Variants in CFAP99 observed in about 807,000 individuals in gnomAD.
CFAP99 encodes the protein cilia and flagella associated protein 99.
In CFAP99, 84 loss-of-function variants were observed where a neutral mutation model predicts 82.7. The ratio of observed to expected loss-of-function variants is 1.02; its 90% CI spans 0.85 to 1.22. The LOEUF is 1.22. Among genes scored for constraint, CFAP99 ranks in the 50% most tolerant of loss-of-function variants. CFAP99 has a pLI of 0.00. For synonymous variants in CFAP99, 456 were observed against 429.5 expected, an observed-to-expected ratio of 1.06 and a Z score of -0.76; for missense variants, 1,059 against 983.5, an observed-to-expected ratio of 1.08 and a Z score of -1.03.
Position 2,462,245 on chromosome 4 carries a change from C to T in CFAP99, c.1662-198C>T, listed in dbSNP as rs1265522364. 4.4e-5 allele frequency: 20 copies of T among 450,886 alleles called. No homozygotes were observed. In the East Asian group the frequency reaches 5.8e-4, roughly 13 times the overall value. The allele number at this position is 450,886 out of a possible 1,614,324, so 27.9% of individuals were successfully genotyped here. A position where few individuals can be genotyped will look rare whatever the true frequency, so the allele number is the denominator to read the frequency against. On this transcript the variant is annotated intron_variant, in intron 14 of 14. Transcript: ENST00000635017. The surrounding 1 kb of genome is among the most constrained non-coding windows in gnomAD (Gnocchi z 4.1). Reference sequence around the variant, plus strand: ...TAGAAGTGCTGGAGACTCCCCCAACCCCTCCAGCCCCTGAGCGGTGGTACT... The same window carrying T: ...TAGAAGTGCTGGAGACTCCCCCAACTCCTCCAGCCCCTGAGCGGTGGTACT...
At chr4:2,436,942 G>A in exon 3 of CFAP99, 1 of 1,536,082 alleles carries the variant, frequency 6.5e-7, no homozygotes, top group Non-Finnish European at 8.7e-7. Flanking sequence ...ACCGGAAGCT[G>A]CTGACCGTCG....
intron 6 of CFAP99, among the ~76,000 whole-genome samples, chr4:2,447,273 G>A (rs1001236932): frequency 6.6e-6 from 1 of 151,252 alleles, no homozygotes; most frequent in Admixed American, 6.6e-5. Context: ...TGGATGGATG[G>A]ATGGATGGAC....
intron 11 of CFAP99, among the ~76,000 whole-genome samples, chr4:2,454,503 T>C (rs2108733112): frequency 6.6e-6 from 1 of 151,136 alleles, no homozygotes; most frequent in Non-Finnish European, 1.5e-5. Flanking sequence ...ACATATGCAT[T>C]ATCTCACATA....
intron 2 of CFAP99, among the ~76,000 whole-genome samples, chr4:2,429,624 C>T (rs1347695082): frequency 1.3e-5 from 2 of 150,852 alleles, no homozygotes; most frequent in East Asian, 3.9e-4. Context: ...CAGAGTCTCA[C>T]TCTGTCACCC....
chr4:2,447,474 G>T (rs11728787), intron 6 of CFAP99, among the ~76,000 whole-genome samples: 32,802 of 148,436 alleles, frequency 0.22, 3,817 homozygotes, highest in African/African-American at 0.29. Flanking sequence ...GATGAGTAGA[G>T]GGATGGGTAA....
At chr4:2,419,842 G>A (rs888469068) in intron 1 of CFAP99, among the ~76,000 whole-genome samples, 5 of 152,046 alleles carry the variant, frequency 3.3e-5, no homozygotes, top group Non-Finnish European at 7.4e-5. Context: ...TCGACCCTCT[G>A]AAGGGCAAAA....
chr4:2,435,661 C>T (rs112977237), intron 2 of CFAP99, among the ~76,000 whole-genome samples: 6,728 of 152,206 alleles, frequency 0.044, 515 homozygotes, highest in African/African-American at 0.15. Flanking sequence ...CAATGGCTCA[C>T]GCTTGTAATC....
chr4:2,434,170 T>C (rs1278598103), intron 2 of CFAP99, among the ~76,000 whole-genome samples: 2 of 152,122 alleles, frequency 1.3e-5, no homozygotes, highest in African/African-American at 4.8e-5. Context: ...GATGCATTCA[T>C]GTGATGTCCG....
intron 2 of CFAP99, among the ~76,000 whole-genome samples, chr4:2,434,488 C>T (rs1733867475): frequency 6.6e-6 from 1 of 152,234 alleles, no homozygotes; most frequent in Non-Finnish European, 1.5e-5. Context: ...GCCCAAAAGC[C>T]AGTCCTGGCG....
chr4:2,450,380 G>A (rs1263241070), intron 8 of CFAP99: 6 of 312,204 alleles, frequency 1.9e-5, no homozygotes, highest in Non-Finnish European at 3.7e-5. Context: ...GACTGTGCCT[G>A]GCGGGGCTCA....
intron 2 of CFAP99, among the ~76,000 whole-genome samples, chr4:2,430,763 C>T (rs993684877): frequency 6.6e-6 from 1 of 152,020 alleles, no homozygotes; most frequent in East Asian, 1.9e-4. Flanking sequence ...ATAGCAAGAT[C>T]CCATTTCTCT....
intron 2 of CFAP99, among the ~76,000 whole-genome samples, chr4:2,435,496 A>G (rs1462628270): frequency 6.6e-6 from 1 of 152,198 alleles, no homozygotes; most frequent in African/African-American, 2.4e-5. Context: ...CCTTATAAAA[A>G]TGACTAAGAA....
At chr4:2,436,449 G>A (rs950782682) in intron 2 of CFAP99, among the ~76,000 whole-genome samples, 2 of 152,108 alleles carry the variant, frequency 1.3e-5, no homozygotes, top group South Asian at 4.1e-4. Context: ...GCACATTCCC[G>A]CTGTTGTGCA....
intron 2 of CFAP99, among the ~76,000 whole-genome samples, chr4:2,435,852 C>CGAGGTGGGAAGCAGCTACTCAGGAGGCT (rs1560380342): frequency 1.3e-5 from 2 of 148,388 alleles, no homozygotes; most frequent in Non-Finnish European, 3.0e-5. Flanking sequence ...CTCAGGAGGC[C>CGAGGTGGGAAGCAGCTACTCAGGAGGCT]GAGGTGGGAA....
intron 13 of CFAP99, 28 bp downstream of exon 13, chr4:2,459,286 T>C: frequency 6.6e-7 from 1 of 1,507,858 alleles, no homozygotes; most frequent in Non-Finnish European, 8.8e-7. Context: ...GACGGGCCCA[T>C]GCCTCAGGGG....
intron 11 of CFAP99, among the ~76,000 whole-genome samples, chr4:2,455,051 G>A (rs1200733161): frequency 1.3e-5 from 2 of 152,028 alleles, no homozygotes; most frequent in African/African-American, 4.8e-5. Context: ...TCCCAAGCAG[G>A]TGAAACTGCA....
In CFAP99 at chr4:2,462,244, C is replaced by A; in HGVS notation, c.1662-199C>A. On this transcript the variant is annotated intron_variant, in intron 14 of 14. Coordinates refer to ENST00000635017, the Ensembl canonical transcript of CFAP99. The surrounding 1 kb of genome is among the most constrained non-coding windows in gnomAD (Gnocchi z 4.1). ...ATAGAAGTGCTGGAGACTCCCCCAACCCCTCCAGCCCCTGAGCGGTGGTAC... is the reference window on the plus strand; with the variant it reads ...ATAGAAGTGCTGGAGACTCCCCCAAACCCTCCAGCCCCTGAGCGGTGGTAC... 2 of 450,388 alleles carry A rather than the reference C, an allele frequency of 4.4e-6. No individual in the cohort carries two copies. The highest frequency in any genetic ancestry group is 7.3e-5 in the East Asian group (2 of 27,360). 27.9% of individuals were successfully genotyped at this position (450,388 alleles called of 1,614,324 possible).
At position 2,443,118 on chromosome 4, in the gene CFAP99, C is replaced by T. The variant is rs554719372; in HGVS notation, c.352-12C>T. 5.0e-4 allele frequency: 731 copies of T among 1,467,698 alleles called. No homozygotes were observed. The highest frequency in any genetic ancestry group is 6.0e-4 in the Non-Finnish European group (654 of 1,086,116). The allele number at this position is 1,467,698 out of a possible 1,614,324, so 90.9% of individuals were successfully genotyped here. On this transcript the variant is annotated splice_polypyrimidine_tract_variant and intron_variant, in intron 4 of 14. Transcript: ENST00000635017. Reference sequence around the variant, plus strand: ...AGGGCTCCGGCCCCCTGACAGCCCCCGTCCACCCCAGTTCCTCAGGTTCTT... The same window carrying T: ...AGGGCTCCGGCCCCCTGACAGCCCCTGTCCACCCCAGTTCCTCAGGTTCTT...
At position 2,462,425 on chromosome 4, in the gene CFAP99, C is replaced by T; in HGVS notation, c.1662-18C>T. On this transcript the variant is annotated intron_variant, in intron 14 of 14. Transcript: ENST00000635017. This position sits in a 1 kb window ranked among gnomAD's most constrained non-coding sequence, Gnocchi z 4.1. Reference sequence around the variant, plus strand: ...CCTCCCGCCGGCCTGCTCCTGAGCCCGCCGCGTCGCCCGCCAGGTGGGAGG... The same window carrying T: ...CCTCCCGCCGGCCTGCTCCTGAGCCTGCCGCGTCGCCCGCCAGGTGGGAGG... 2 of 1,415,782 alleles carry T rather than the reference C, an allele frequency of 1.4e-6. No individual in the cohort carries two copies. The highest frequency in any genetic ancestry group is 1.8e-6 in the Non-Finnish European group (2 of 1,098,152). 87.7% of individuals were successfully genotyped at this position (1,415,782 alleles called of 1,614,324 possible). A position where few individuals can be genotyped will look rare whatever the true frequency, so the allele number is the denominator to read the frequency against.
Sources: gnomAD v4.1 joint callset for allele counts (sites outside exome capture counted in the v4.1 genomes callset) on GRCh38, gnomAD v4.1.1 for gene constraint, Gnocchi (gnomAD v3.1) non-coding constraint, MANE v1.5 for transcripts, NCBI Gene and HGNC (gene_info 2026-07-23, HGNC 2026-07-21) for gene names.